ARHGEF38: variants seen among roughly 807,000 people sequenced by gnomAD.
The protein encoded by ARHGEF38 is Rho guanine nucleotide exchange factor 38.
A neutral mutation model predicts 79.9 loss-of-function variants in ARHGEF38; 79 were observed. The ratio of observed to expected loss-of-function variants is 0.99; its 90% confidence interval spans 0.82 to 1.19. The LOEUF is 1.19. ARHGEF38 is among the 50% of genes most tolerant of loss of function. The pLI, the probability that ARHGEF38 is intolerant of heterozygous loss-of-function variation, is 0.00. For synonymous variants in ARHGEF38, 366 were observed against 328.3 expected (o/e 1.11, Z -1.24); for missense variants, 962 against 907.2 (o/e 1.06, Z -0.78).
In ARHGEF38 at chr4:105,554,110, C is replaced by CT. The variant is rs199903093; in HGVS notation, c.196+1158dup. On this transcript the variant is annotated intron_variant, in intron 1 of 13. Transcript: ENST00000420470. ...ACAGCATCAATCTTATCCTCAAATA[C>CT]TTTTTTTTTAAAATGAGGGAGAGCA... Among the ~76,000 whole-genome samples, 472 of 151,128 alleles carry CT rather than the reference C, an allele frequency of 3.1e-3. 2 individuals carry two copies. Among genetic ancestry groups the CT allele is most frequent in the Middle Eastern group, 0.014 (4 of 294 alleles).
chr4:105,586,131 T>C (rs1019689648), intron 1 of ARHGEF38, among the ~76,000 whole-genome samples: 19 of 151,986 alleles, frequency 1.3e-4, no homozygotes, highest in Non-Finnish European at 2.6e-4. Context: ...TACTTTTATA[T>C]ATAAAAGCTA....
intron 13 of ARHGEF38, among the ~76,000 whole-genome samples, chr4:105,676,984 G>A (rs1731145770): frequency 6.6e-6 from 1 of 150,544 alleles, no homozygotes; most frequent in Admixed American, 6.6e-5. Context: ...TTTTTTTGGA[G>A]ACAGAGTCTC....
At chr4:105,565,122 C>G (rs549429235) in intron 1 of ARHGEF38, among the ~76,000 whole-genome samples, 1 of 152,254 alleles carries the variant, frequency 6.6e-6, no homozygotes, top group South Asian at 2.1e-4. Flanking sequence ...TTGAAATCCA[C>G]TAATCTACTT....
rs367925577 is a variant in ARHGEF38, at chr4:105,680,134, C to T, written c.*2197C>T. 5.8e-5 allele frequency: 40 copies of T among 694,464 alleles called. No homozygotes were observed. The highest frequency in any genetic ancestry group is 4.8e-4 in the African/African-American group (27 of 56,816). 43.0% of individuals were successfully genotyped at this position (694,464 alleles called of 1,614,324 possible). A position where few individuals can be genotyped will look rare whatever the true frequency, so the allele number is the denominator to read the frequency against. On this transcript the variant is annotated 3_prime_UTR_variant, in exon 14 of 14. Coordinates refer to ENST00000420470, the MANE Select transcript of ARHGEF38 (RefSeq NM_001242729.2). ...GTTTTATAAAGGAGGAAATTGAGGACCTCACATGGAGGGACTGGAATTTAA... is the reference window on the plus strand; with the variant it reads ...GTTTTATAAAGGAGGAAATTGAGGATCTCACATGGAGGGACTGGAATTTAA...
At chr4:105,622,375 C>A (rs761037775) in intron 3 of ARHGEF38, among the ~76,000 whole-genome samples, 25 of 152,232 alleles carry the variant, frequency 1.6e-4, no homozygotes, top group Non-Finnish European at 2.6e-4. Context: ...ACTTTCCCAG[C>A]CTCCAGGAAG....
chr4:105,635,725 G>C lies in ARHGEF38; in HGVS notation c.657-678G>C, dbSNP rs577704106. 1.4e-3 allele frequency among the ~76,000 whole-genome samples: 208 copies of C among 152,076 alleles called. 1 individual carries two copies. Among genetic ancestry groups the C allele is most frequent in the South Asian group, 0.01 (49 of 4,820 alleles). ...GAAATATTGGGCAGGAGGTGGTGGT[G>C]GTATTTCTTTCATTGCAATAGGAGA... On this transcript the variant is annotated intron_variant, in intron 4 of 13. Coordinates refer to ENST00000420470, the MANE Select transcript of ARHGEF38 (RefSeq NM_001242729.2).
At chr4:105,578,754 A>C (rs1726633398) in intron 1 of ARHGEF38, among the ~76,000 whole-genome samples, 2 of 152,234 alleles carry the variant, frequency 1.3e-5, no homozygotes, top group African/African-American at 4.8e-5. Context: ...TTTGCATAGA[A>C]TATCTTTTTC....
intron 3 of ARHGEF38, among the ~76,000 whole-genome samples, chr4:105,624,552 T>A (rs1031771894): frequency 2.0e-5 from 3 of 152,214 alleles, no homozygotes; most frequent in African/African-American, 7.2e-5. Flanking sequence ...TTTTATCCCC[T>A]AGGCTAGGTG....
chr4:105,617,369 G>A (rs1284873495), intron 3 of ARHGEF38, among the ~76,000 whole-genome samples: 1 of 152,084 alleles, frequency 6.6e-6, no homozygotes, highest in Non-Finnish European at 1.5e-5. Flanking sequence ...TGAAGTTGTG[G>A]AATTTATTAA....
At chr4:105,597,582 A>C (rs1257741351) in intron 2 of ARHGEF38, among the ~76,000 whole-genome samples, 1 of 152,120 alleles carries the variant, frequency 6.6e-6, no homozygotes, top group African/African-American at 2.4e-5. Flanking sequence ...AACTTTCTTA[A>C]AGTTGGCTAC....
At chr4:105,630,269 A>G (rs1729127667) in intron 3 of ARHGEF38, among the ~76,000 whole-genome samples, 1 of 145,800 alleles carries the variant, frequency 6.9e-6, no homozygotes, top group South Asian at 2.1e-4. Context: ...TTTTTTTGAG[A>G]TAGAGTCTTG....
At chr4:105,644,930 G>A (rs1729773139) in intron 5 of ARHGEF38, among the ~76,000 whole-genome samples, 1 of 152,102 alleles carries the variant, frequency 6.6e-6, no homozygotes, top group African/African-American at 2.4e-5. Context: ...ACTGTACATG[G>A]CATATGGATG....
chr4:105,633,643 G>A (rs1729284275), intron 4 of ARHGEF38, among the ~76,000 whole-genome samples: 1 of 152,132 alleles, frequency 6.6e-6, no homozygotes, highest in African/African-American at 2.4e-5. Flanking sequence ...AGTTAAGGTG[G>A]ATTTTAAAGC....
intron 2 of ARHGEF38, among the ~76,000 whole-genome samples, chr4:105,597,830 A>G (rs915386129): frequency 6.6e-6 from 1 of 152,152 alleles, no homozygotes; most frequent in African/African-American, 2.4e-5. Flanking sequence ...TTACAACTGC[A>G]TGTGAATCTA....
intron 4 of ARHGEF38, among the ~76,000 whole-genome samples, chr4:105,635,766 G>T (rs561462406): frequency 1.3e-5 from 2 of 151,932 alleles, no homozygotes; most frequent in African/African-American, 4.8e-5. Flanking sequence ...TTAAACAGTC[G>T]TGAATAATTG....
chr4:105,658,985 G>C (rs916888274), intron 9 of ARHGEF38, 69 bp from the exon 10 acceptor site: 1 of 1,335,114 alleles, frequency 7.5e-7, no homozygotes, highest in African/African-American at 1.5e-5. Flanking sequence ...GTAAACCTAT[G>C]GATAGCAGAA....
intron 2 of ARHGEF38, among the ~76,000 whole-genome samples, chr4:105,592,924 T>C (rs977530114): frequency 6.6e-5 from 10 of 152,206 alleles, no homozygotes; most frequent in Admixed American, 2.0e-4. Flanking sequence ...GCTAGTGCAG[T>C]GGATTCTATC....
chr4:105,681,028 G>A (rs918681383), downstream of ARHGEF38: 6 of 152,062 alleles, frequency 3.9e-5, no homozygotes, highest in Non-Finnish European at 8.8e-5. Flanking sequence ...TTATGGATAT[G>A]TATTTTTTGG....
intron 5 of ARHGEF38, among the ~76,000 whole-genome samples, chr4:105,642,922 T>C (rs1263800903): frequency 6.6e-6 from 1 of 152,124 alleles, no homozygotes; most frequent in Non-Finnish European, 1.5e-5. Context: ...TTCATGTAGA[T>C]AATATGATTT....
Sources: gnomAD v4.1 joint callset for allele counts (sites outside exome capture counted in the v4.1 genomes callset) on GRCh38, gnomAD v4.1.1 for gene constraint, MANE v1.5 for transcripts, NCBI Gene and HGNC (gene_info 2026-07-23, HGNC 2026-07-21) for gene names.